Variants in MGAT5 observed in about 807,000 individuals in gnomAD.
MGAT5 encodes alpha-1,6-mannosylglycoprotein 6-beta-N-acetylglucosaminyltransferase A.
A neutral mutation model predicts 94.3 loss-of-function variants in MGAT5; 30 were observed. That is an observed-to-expected ratio of 0.32 (90% confidence interval 0.24 to 0.43). MGAT5 has a LOEUF of 0.43. MGAT5 is among the 20% of genes least tolerant of loss of function. The pLI, the probability that MGAT5 is intolerant of heterozygous loss-of-function variation, is 1.00. For synonymous variants in MGAT5, 310 were observed against 322.9 expected (o/e 0.96, Z 0.43); for missense variants, 691 against 905.5 (o/e 0.76, Z 3.04).
At chr2:134,216,330 T>G (rs1413098253) in intron 1 of MGAT5, among the ~76,000 whole-genome samples, 2 of 152,190 alleles carry the variant, frequency 1.3e-5, no homozygotes, top group Non-Finnish European at 2.9e-5. Flanking sequence ...TGTCGTCCTA[T>G]GAGACCGAAC....
chr2:134,358,868 A>T (rs1679913941), intron 9 of MGAT5, among the ~76,000 whole-genome samples: 1 of 152,240 alleles, frequency 6.6e-6, no homozygotes, highest in Non-Finnish European at 1.5e-5. Flanking sequence ...TACTTATCAT[A>T]TAAGCTGGTT....
chr2:134,274,576 G>A (rs889619662), intron 2 of MGAT5, among the ~76,000 whole-genome samples: 1 of 151,954 alleles, frequency 6.6e-6, no homozygotes, highest in Non-Finnish European at 1.5e-5. Context: ...GGTAGTGTAT[G>A]TATGTGCATG....
rs929077315 is a variant in MGAT5, at chr2:134,301,600, C to T, written c.407-15929C>T. On this transcript the variant is annotated intron_variant, in intron 2 of 15. Transcript: ENST00000281923. ...AGAGAGGCAGAACTGCCAAGAGAGG[C>T]GTGTGTCTATTAAGGGATTTGTCAA... Among the ~76,000 whole-genome samples, 4 of 152,082 alleles carry T rather than the reference C, an allele frequency of 2.6e-5. No homozygotes were observed. In the East Asian group the frequency reaches 7.7e-4, roughly 29 times the overall value.
At chr2:134,319,576 A>G (rs1188929394) in intron 4 of MGAT5, 1 of 179,384 alleles carries the variant, frequency 5.6e-6, no homozygotes, top group African/African-American at 2.4e-5. Context: ...GTGATGGGAC[A>G]ATGGACATAG....
intron 8 of MGAT5, among the ~76,000 whole-genome samples, chr2:134,345,874 G>A (rs966213971): frequency 6.6e-6 from 1 of 152,016 alleles, no homozygotes; most frequent in Non-Finnish European, 1.5e-5. Flanking sequence ...AAGGTTATAT[G>A]CTTTTTTTTG....
chr2:134,332,312 A>C (rs1302585587), intron 4 of MGAT5, among the ~76,000 whole-genome samples: 1 of 152,024 alleles, frequency 6.6e-6, no homozygotes, highest in Non-Finnish European at 1.5e-5. Flanking sequence ...ATCTTTGACA[A>C]ACCTGAGAAA....
chr2:134,155,157 G>T (rs1345992742), intron 1 of MGAT5, among the ~76,000 whole-genome samples: 1 of 152,204 alleles, frequency 6.6e-6, no homozygotes, highest in Non-Finnish European at 1.5e-5. Context: ...GTCCCTAGGA[G>T]AGTGCTCTCT....
At chr2:134,239,909 C>T (rs1045019155) in intron 1 of MGAT5, among the ~76,000 whole-genome samples, 2 of 151,772 alleles carry the variant, frequency 1.3e-5, no homozygotes, top group African/African-American at 4.8e-5. Context: ...TTAGTGAGTC[C>T]ACTTTACTTC....
chr2:134,293,926 A>G (rs1685523364), intron 2 of MGAT5, among the ~76,000 whole-genome samples: 1 of 152,168 alleles, frequency 6.6e-6, no homozygotes, highest in African/African-American at 2.4e-5. Context: ...GATGTGAAAC[A>G]GAGTAGGGAG....
intron 1 of MGAT5, among the ~76,000 whole-genome samples, chr2:134,137,888 CTT>C (rs752475959): frequency 3.9e-5 from 5 of 126,736 alleles, no homozygotes; most frequent in Admixed American, 1.5e-4. Context: ...CCTTTCTTTT[CTT>C]TTTTTTTTTT....
At chr2:134,362,535 A>G in intron 10 of MGAT5, 127 bp downstream of exon 10, 1 of 1,186,948 alleles carries the variant, frequency 8.4e-7, no homozygotes, top group South Asian at 1.5e-5. Flanking sequence ...GACATAAACA[A>G]GAATGTGCAA....
intron 1 of MGAT5, among the ~76,000 whole-genome samples, chr2:134,186,152 C>G (rs138971964): frequency 6.6e-6 from 1 of 152,238 alleles, no homozygotes; most frequent in Non-Finnish European, 1.5e-5. Context: ...CCTGTCTCCC[C>G]AAATGGGAAA....
chr2:134,141,836 G>A (rs769560849), intron 1 of MGAT5, among the ~76,000 whole-genome samples: 1 of 152,238 alleles, frequency 6.6e-6, no homozygotes, highest in Non-Finnish European at 1.5e-5. Context: ...CTGGGGATGG[G>A]GCGAGGTCAG....
chr2:134,273,012 T>G (rs1684124424), intron 2 of MGAT5, among the ~76,000 whole-genome samples: 1 of 150,428 alleles, frequency 6.6e-6, no homozygotes, highest in Non-Finnish European at 1.5e-5. Context: ...TGTGTGTCTG[T>G]GTGTGTGTGC....
intron 10 of MGAT5, among the ~76,000 whole-genome samples, chr2:134,384,800 A>C (rs1399389894): frequency 6.6e-6 from 1 of 152,264 alleles, no homozygotes; most frequent in Non-Finnish European, 1.5e-5. Flanking sequence ...TAAAAATAAC[A>C]ATCCAAATAA....
intron 1 of MGAT5, among the ~76,000 whole-genome samples, chr2:134,139,271 A>T (rs756411025): frequency 3.9e-5 from 6 of 152,244 alleles, no homozygotes; most frequent in Non-Finnish European, 8.8e-5. Flanking sequence ...ACAGAATCTC[A>T]TATCCAGGGC....
At chr2:134,150,213 GCCT>G (rs1315015615) in intron 1 of MGAT5, among the ~76,000 whole-genome samples, 1 of 152,144 alleles carries the variant, frequency 6.6e-6, no homozygotes. Context: ...CCTTTCCCTG[GCCT>G]CCTAGCGTCT....
chr2:134,408,259 C>T (rs889722138), intron 11 of MGAT5, among the ~76,000 whole-genome samples: 1 of 152,104 alleles, frequency 6.6e-6, no homozygotes, highest in African/African-American at 2.4e-5. Flanking sequence ...TTGAGGCTGG[C>T]CCAACTGAAC....
chr2:134,279,144 G>A (rs1016476349), intron 2 of MGAT5, among the ~76,000 whole-genome samples: 3 of 152,064 alleles, frequency 2.0e-5, no homozygotes, highest in Non-Finnish European at 4.4e-5. Flanking sequence ...AACTCCTGCC[G>A]GTCAGGCACT....
Sources: allele counts gnomAD v4.1 joint callset (sites outside exome capture counted in the v4.1 genomes callset), GRCh38; gene constraint gnomAD v4.1.1; transcripts MANE v1.5; gene names NCBI Gene and HGNC (gene_info 2026-07-23, HGNC 2026-07-21).